The following LARP1B variants were observed in gnomAD, a reference collection of about 807,000 sequenced individuals.
LARP1B encodes the protein la-related protein 1B.
In LARP1B, 76 loss-of-function variants were observed where a neutral mutation model predicts 114.2. That is an observed-to-expected ratio of 0.67 (90% CI 0.55 to 0.81). The LOEUF (loss-of-function observed/expected upper bound fraction) is 0.81. Ranked by LOEUF, LARP1B falls within the 30% of genes least tolerant of loss-of-function variation. The pLI, the probability that LARP1B is intolerant of heterozygous loss-of-function variation, is 0.00. For synonymous variants in LARP1B, 345 were observed against 348.0 expected, an observed-to-expected ratio of 0.99 and a Z score of 0.10; for missense variants, 1,014 against 1,075.8, an observed-to-expected ratio of 0.94 and a Z score of 0.80.
chr4:128,173,693 T>G (rs1581271449), intron 12 of LARP1B, among the ~76,000 whole-genome samples: 1 of 152,236 alleles, frequency 6.6e-6, no homozygotes, highest in African/African-American at 2.4e-5. Flanking sequence ...GTATCAACTT[T>G]CTTATTCAGT....
intron 5 of LARP1B, among the ~76,000 whole-genome samples, chr4:128,090,368 C>G (rs779315131): frequency 1.3e-5 from 2 of 152,146 alleles, no homozygotes; most frequent in Non-Finnish European, 2.9e-5. Context: ...CCACCGCGCC[C>G]GGCCTTGTAT....
At chr4:128,176,107 C>T (rs1301107734) in intron 12 of LARP1B, among the ~76,000 whole-genome samples, 2 of 142,456 alleles carry the variant, frequency 1.4e-5, no homozygotes, top group African/African-American at 2.6e-5. Context: ...TATATATATA[C>T]ACACATATAT....
intron 15 of LARP1B, among the ~76,000 whole-genome samples, chr4:128,189,362 C>T (rs1192774803): frequency 9.2e-4 from 28 of 30,368 alleles, no homozygotes; most frequent in African/African-American, 2.3e-3. Flanking sequence ...CTTCCATTTG[C>T]GTGGAATGTC....
intron 12 of LARP1B, 86 bp downstream of exon 12, chr4:128,162,403 T>A: frequency 8.2e-7 from 1 of 1,222,840 alleles, no homozygotes. Context: ...TTTTTTTCTT[T>A]ATTTGTGGAA....
At chr4:128,199,665 ATGT>A (rs955070804) in intron 16 of LARP1B, 66 bp downstream of exon 16, 7 of 813,790 alleles carry the variant, frequency 8.6e-6, no homozygotes, top group Admixed American at 8.5e-5. Context: ...AAAAATTTAA[ATGT>A]TGTCATTTAA....
rs924283204 is a variant in LARP1B, at chr4:128,137,237, A to C, written c.1524+15049A>C. Reference sequence around the variant, plus strand: ...GAGCAAGAGTCCATCTCAAAAAAAAACAAAAAACAAAAACTCCCCCAATTC... The same window carrying C: ...GAGCAAGAGTCCATCTCAAAAAAAACCAAAAAACAAAAACTCCCCCAATTC... On this transcript the variant is annotated intron_variant, in intron 11 of 19. Transcript: ENST00000326639. Among the ~76,000 whole-genome samples, 16 of 152,170 alleles carry C rather than the reference A, an allele frequency of 1.1e-4. No homozygotes were observed. In the South Asian group the frequency reaches 2.9e-3, roughly 28 times the overall value.
intron 5 of LARP1B, among the ~76,000 whole-genome samples, chr4:128,084,178 A>G (rs62335647): frequency 0.65 from 98,502 of 150,600 alleles, 32,258 homozygotes; most frequent in Middle Eastern, 0.82. Flanking sequence ...CGTCCCAGAC[A>G]ATGGGCGGCC....
At chr4:128,170,872 C>CTTTTTTTTTTTTTTTTTTTTCTTTTTT (rs70966085) in intron 12 of LARP1B, among the ~76,000 whole-genome samples, 1 of 95,016 alleles carries the variant, frequency 1.1e-5, no homozygotes, top group Non-Finnish European at 2.2e-5. Context: ...TTTTTCTTTT[C>CTTTTTTTTTTTTTTTTTTTTCTTTTTT]TTTTTTTTTT....
intron 7 of LARP1B, among the ~76,000 whole-genome samples, chr4:128,222,170 T>A (rs1475237895): frequency 6.6e-6 from 1 of 152,234 alleles, no homozygotes; most frequent in East Asian, 1.9e-4. Context: ...CTTGTGGTGG[T>A]TCACTGACTT....
At chr4:128,093,836 G>A (rs1006080093) in intron 7 of LARP1B, among the ~76,000 whole-genome samples, 1 of 149,032 alleles carries the variant, frequency 6.7e-6, no homozygotes, top group Non-Finnish European at 1.5e-5. Flanking sequence ...TCAGCCTCCC[G>A]AGTGGCTGTG....
At chr4:128,118,901 G>C (rs1786937872) in intron 10 of LARP1B, among the ~76,000 whole-genome samples, 1 of 148,676 alleles carries the variant, frequency 6.7e-6, no homozygotes, top group South Asian at 2.1e-4. Flanking sequence ...TTTTGAGACA[G>C]AGTTTCGCTC....
At chr4:128,076,395 T>C (rs1158629814) in intron 3 of LARP1B, among the ~76,000 whole-genome samples, 2 of 152,040 alleles carry the variant, frequency 1.3e-5, no homozygotes, top group Non-Finnish European at 2.9e-5. Context: ...GTAGGTACTC[T>C]TTTTTTTCCT....
Position 128,091,100 on chromosome 4 carries a change from G to A in LARP1B, c.458G>A (p.Arg153Lys). Residue 153 changes from arginine to lysine, a missense_variant, in exon 6 of 20, where the codon AGA (arginine) becomes AAA (lysine). Transcript: ENST00000326639. Reference sequence around the variant, plus strand: ...CGAGGTTCCTTTAGAGGTCGAGGAAGAGGCCGAGGACGGGGAAGAGGACGA... The same window carrying A: ...CGAGGTTCCTTTAGAGGTCGAGGAAAAGGCCGAGGACGGGGAAGAGGACGA... ...NIRGSFRGRGRGRGRGRGRGR... is the reference protein window; with the variant it reads ...NIRGSFRGRGKGRGRGRGRGR... The A allele has an allele frequency of 6.2e-7, 1 of 1,613,976 alleles. No homozygotes were observed. The highest frequency in any genetic ancestry group is 8.5e-7 in the Non-Finnish European group (1 of 1,179,894).
chr4:128,179,661 T>C (rs1427266667), intron 15 of LARP1B, 149 bp downstream of exon 15: 12 of 495,796 alleles, frequency 2.4e-5, no homozygotes, highest in Non-Finnish European at 3.9e-5. Flanking sequence ...AAAGAAGAGA[T>C]AAGTTTTACA....
chr4:128,144,343 G>A (rs1478682024), intron 11 of LARP1B, among the ~76,000 whole-genome samples: 2 of 152,122 alleles, frequency 1.3e-5, no homozygotes, highest in Non-Finnish European at 1.5e-5. Context: ...GAGGTTAACT[G>A]AAACTTTTGA....
intron 9 of LARP1B, chr4:128,108,901 A>G: frequency 1.1e-6 from 1 of 919,164 alleles, no homozygotes. Context: ...GAATAAAATC[A>G]TAATGTTGTA....
At chr4:128,148,210 C>T (rs1224778924) in intron 11 of LARP1B, among the ~76,000 whole-genome samples, 1 of 152,138 alleles carries the variant, frequency 6.6e-6, no homozygotes, top group East Asian at 1.9e-4. Context: ...GCAGGTAGAT[C>T]ACCTAAGGGC....
chr4:128,075,500 T>C (rs2149395386), intron 3 of LARP1B, among the ~76,000 whole-genome samples: 1 of 152,272 alleles, frequency 6.6e-6, no homozygotes, highest in African/African-American at 2.4e-5. Flanking sequence ...GTCTTAAGCT[T>C]TACTCATGGG....
chr4:128,107,612 T>G, intron 9 of LARP1B: 1 of 1,396,474 alleles, frequency 7.2e-7, no homozygotes, highest in Non-Finnish European at 9.3e-7. Context: ...ATATGTATCG[T>G]TTTCCCCTGT....
Sources: gnomAD v4.1 joint callset for allele counts (sites outside exome capture counted in the v4.1 genomes callset) on GRCh38, gnomAD v4.1.1 for gene constraint, MANE v1.5 for transcripts, NCBI Gene and HGNC (gene_info 2026-07-23, HGNC 2026-07-21) for gene names.